Variants in PCDHA3 observed in about 807,000 individuals in gnomAD.
The protein encoded by PCDHA3 is protocadherin alpha 3.
PCDHA3 carries 41 observed loss-of-function variants against 62.2 expected under a neutral mutation model. The ratio of observed to expected loss-of-function variants is 0.66; its 90% CI spans 0.51 to 0.86. PCDHA3 has a LOEUF of 0.86. Ranked by LOEUF, PCDHA3 falls within the 40% of genes least tolerant of loss-of-function variation. The pLI is 0.00. For synonymous variants in PCDHA3, 640 were observed against 555.4 expected (o/e 1.15, Z -2.14); for missense variants, 1,304 against 1,241.2 (o/e 1.05, Z -0.76).
intron 3 of PCDHA3, among the ~76,000 whole-genome samples, chr5:141,009,035 G>A (rs1455230382): frequency 2.6e-5 from 4 of 152,106 alleles, no homozygotes; most frequent in Non-Finnish European, 2.9e-5. Flanking sequence ...TTCCCATCCC[G>A]TTCCCAGTCA....
intron 1 of PCDHA3, chr5:140,811,754 T>C (rs1241083034): frequency 6.6e-6 from 1 of 152,384 alleles, no homozygotes; most frequent in East Asian, 1.9e-4. Flanking sequence ...TGACCAGTGA[T>C]GATGGGCATT....
chr5:140,956,540 G>A (rs1356910892), intron 1 of PCDHA3, among the ~76,000 whole-genome samples: 1 of 152,186 alleles, frequency 6.6e-6, no homozygotes, highest in Non-Finnish European at 1.5e-5. Context: ...TGTGCTGCTG[G>A]ATTTGGTTTG....
intron 1 of PCDHA3, among the ~76,000 whole-genome samples, chr5:140,901,201 G>A (rs2068505084): frequency 6.6e-6 from 1 of 152,038 alleles, no homozygotes; most frequent in Admixed American, 6.6e-5. Context: ...CTGTGCAGAA[G>A]GTTTTTAAGT....
intron 1 of PCDHA3, chr5:140,870,230 G>A (rs782759965): frequency 9.3e-6 from 15 of 1,614,032 alleles, no homozygotes; most frequent in Non-Finnish European, 1.3e-5. Flanking sequence ...GTGTCTGACC[G>A]TGACTCAGGT....
chr5:140,878,856 G>T (rs1210501065), intron 1 of PCDHA3, among the ~76,000 whole-genome samples: 1 of 152,168 alleles, frequency 6.6e-6, no homozygotes, highest in Admixed American at 6.5e-5. Flanking sequence ...GGGTTCAACT[G>T]ATCCTCCATT....
intron 3 of PCDHA3, among the ~76,000 whole-genome samples, chr5:140,997,565 A>G (rs552009994): frequency 6.6e-6 from 1 of 152,292 alleles, no homozygotes; most frequent in South Asian, 2.1e-4. Flanking sequence ...CAACTGTCAT[A>G]TGTGTGGTCC....
At chr5:140,910,399 T>G (rs1461842314) in intron 1 of PCDHA3, among the ~76,000 whole-genome samples, 1 of 152,172 alleles carries the variant, frequency 6.6e-6, no homozygotes, top group East Asian at 1.9e-4. Context: ...GACTGGCCCC[T>G]GCCACCTCGA....
intron 1 of PCDHA3, among the ~76,000 whole-genome samples, chr5:140,915,711 C>T (rs1159509465): frequency 1.3e-5 from 2 of 151,812 alleles, no homozygotes; most frequent in African/African-American, 2.4e-5. Flanking sequence ...CTCCTGTGGC[C>T]CCCACTTTGG....
At chr5:140,823,895 C>T (rs1767916685) in intron 1 of PCDHA3, 4 of 1,613,856 alleles carry the variant, frequency 2.5e-6, no homozygotes, top group Non-Finnish European at 3.4e-6. Flanking sequence ...TGTGCGGTGT[C>T]CAGCCTGCTG....
At chr5:140,809,685 T>A in intron 1 of PCDHA3, 2 of 1,300,104 alleles carry the variant, frequency 1.5e-6, no homozygotes, top group South Asian at 1.5e-5. Context: ...TACCTCTTTT[T>A]ACATATCCAT....
intron 1 of PCDHA3, among the ~76,000 whole-genome samples, chr5:140,933,393 C>G (rs1419190705): frequency 2.6e-5 from 4 of 151,956 alleles, no homozygotes; most frequent in Admixed American, 1.3e-4. Context: ...CTAGAGCCAT[C>G]TGGTTACCAT....
rs2150500833 is a variant in PCDHA3 at position 140,850,862 on chromosome 5, C to T, written c.2394+47271C>T. ...GATCTACAGAGCGAACGGGAGAACCCTCTGCTTCCTCAGATTCAACTGGGA... is the reference window on the plus strand; with the variant it reads ...GATCTACAGAGCGAACGGGAGAACCTTCTGCTTCCTCAGATTCAACTGGGA... On this transcript the variant is annotated intron_variant, in intron 1 of 3. Coordinates refer to ENST00000522353, the MANE Select transcript of PCDHA3 (RefSeq NM_018906.3). The T allele has an allele frequency of 1.9e-6, 3 of 1,592,842 alleles. 1 individual carries two copies. In the African/African-American group the frequency reaches 4.0e-5, roughly 21 times the overall value.
At chr5:140,809,147 C>A in intron 1 of PCDHA3, 1 of 1,613,916 alleles carries the variant, frequency 6.2e-7, no homozygotes, top group Non-Finnish European at 8.5e-7. Flanking sequence ...GGTGAAGGAC[C>A]ACGGCGAGCC....
chr5:140,969,400 T>C (rs782765994), intron 1 of PCDHA3: 2 of 1,580,682 alleles, frequency 1.3e-6, no homozygotes, highest in South Asian at 2.3e-5. Flanking sequence ...TATCCTGTGA[T>C]TTGGCTTTAT....
At chr5:140,850,781 G>C (rs2150498025) in intron 1 of PCDHA3, 2 of 1,598,096 alleles carry the variant, frequency 1.3e-6, no homozygotes, top group African/African-American at 2.7e-5. Context: ...GCTCTGGCGA[G>C]GGTAAGCAGA....
rs2150240382 is a variant in PCDHA3, at chr5:140,835,640, C to A, written c.2394+32049C>A. On this transcript the variant is annotated intron_variant, in intron 1 of 3. Transcript: ENST00000522353. ...GCGCTCTGGACCGCGAGAGTGTGTC[C>A]GCCTATGAGCTGGTGGTTACCGCGC... The A allele has an allele frequency of 2.4e-5, 38 of 1,613,888 alleles. 2 individuals are homozygous for A. The highest frequency in any genetic ancestry group is 3.2e-5 in the Non-Finnish European group (38 of 1,179,872).
chr5:140,869,227 G>A, intron 1 of PCDHA3: 2 of 1,613,788 alleles, frequency 1.2e-6, no homozygotes, highest in African/African-American at 1.3e-5. Context: ...GGCCAAACAC[G>A]GCACCTTCGT....
chr5:140,903,420 G>A (rs1562939328), intron 1 of PCDHA3, among the ~76,000 whole-genome samples: 1 of 152,150 alleles, frequency 6.6e-6, no homozygotes, highest in Non-Finnish European at 1.5e-5. Flanking sequence ...GAAAAATTCA[G>A]CACAATATGT....
chr5:140,836,719 G>A (rs1774695669), intron 1 of PCDHA3: 1 of 1,612,572 alleles, frequency 6.2e-7, no homozygotes, highest in African/African-American at 1.3e-5. Context: ...CTTCCTCAGG[G>A]TCCATCCTCT....
Sources: allele counts gnomAD v4.1 joint callset (sites outside exome capture counted in the v4.1 genomes callset), GRCh38; gene constraint gnomAD v4.1.1; transcripts MANE v1.5; gene names NCBI Gene and HGNC (gene_info 2026-07-23, HGNC 2026-07-21).